Variants in DOK7 observed in about 807,000 individuals in gnomAD.
The protein encoded by DOK7 is docking protein 7.
In DOK7, 32 loss-of-function variants were observed where a neutral mutation model predicts 30.7. That is an observed-to-expected ratio of 1.04 (90% CI 0.79 to 1.40). DOK7 has a LOEUF of 1.40. Among genes scored for constraint, DOK7 ranks in the 40% most tolerant of loss-of-function variants. The pLI, the probability that DOK7 is intolerant of heterozygous loss-of-function variation, is 0.00. For missense variants in DOK7, 1,007 were observed against 699.2 expected, an observed-to-expected ratio of 1.44 and a Z score of -4.97; for synonymous variants, 447 against 324.1, an observed-to-expected ratio of 1.38 and a Z score of -4.07.
At chr4:3,484,970 C>A (rs1727672870) in intron 4 of DOK7, 1 of 806,018 alleles carries the variant, frequency 1.2e-6, no homozygotes. Context: ...GCTCCCTTCT[C>A]CTGTGGCCTT....
At chr4:3,491,208 T>G (rs866810917) in intron 6 of DOK7, among the ~76,000 whole-genome samples, 1 of 51,206 alleles carries the variant, frequency 2.0e-5, no homozygotes, top group Non-Finnish European at 3.5e-5. Flanking sequence ...CCTTCCCCCC[T>G]GCTCATTCCT....
chr4:3,473,686 CG>C, intron 3 of DOK7, 50 bp downstream of exon 3: 2 of 1,487,798 alleles, frequency 1.3e-6, no homozygotes, highest in Non-Finnish European at 9.0e-7. Flanking sequence ...TCAGGTGTGC[CG>C]GGGCCCCTCA....
downstream of DOK7, chr4:3,494,565 C>G (rs181747594): frequency 1.8e-3 from 1,725 of 971,444 alleles, 26 homozygotes; most frequent in African/African-American, 0.029. Context: ...ATGCGAAGTC[C>G]CCGGGCCCGG....
At position 3,493,313 on chromosome 4, in the gene DOK7, C is replaced by A. The variant is rs748946433; in HGVS notation, c.1327C>A (p.Pro443Thr). The A allele has an allele frequency of 2.5e-6, 4 of 1,605,042 alleles. No homozygotes were observed. The highest frequency in any genetic ancestry group is 2.7e-5 in the African/African-American group (2 of 74,762). ...DSGGQTSAGC[P>T]SGWLGTRRRG... ...AGGCGGCCAGACGTCCGCCGGGTGT[C>A]CCTCTGGCTGGCTGGGCACGAGACG... is the stretch of plus-strand genomic sequence containing the variant. Residue 443 changes from proline (P) to threonine (T), a missense_variant, in exon 7 of 7, where the codon CCC (proline) becomes ACC (threonine). Pro to Thr is a conservative substitution (Grantham distance 38, BLOSUM62 -1). Transcript: ENST00000340083.
rs1423789432 is a variant in DOK7 at position 3,493,741 on chromosome 4, C to A, written c.*240C>A. On this transcript the variant is annotated 3_prime_UTR_variant, in exon 7 of 7. Transcript: ENST00000340083. Reference sequence around the variant, plus strand: ...GTCCGGCAGGTCGGGGTCACCAGAGCCCCAATGCTCAGCTGCTTCACTCCG... The same window carrying A: ...GTCCGGCAGGTCGGGGTCACCAGAGACCCAATGCTCAGCTGCTTCACTCCG... 4.2e-6 allele frequency: 6 copies of A among 1,420,156 alleles called. No individual in the cohort carries two copies. The Admixed American group carries it at 1.5e-4, about 35-fold the overall frequency. 88.0% of individuals were successfully genotyped at this position (1,420,156 alleles called of 1,614,324 possible).
chr4:3,480,372 C>T (rs753406942), intron 4 of DOK7, among the ~76,000 whole-genome samples: 62 of 152,232 alleles, frequency 4.1e-4, no homozygotes, highest in Non-Finnish European at 7.4e-4. Flanking sequence ...CTTTGGGAGG[C>T]GGAGGTGGGA....
Position 3,485,541 on chromosome 4 carries a change from G to A in DOK7, c.535G>A (p.Ala179Thr), listed in dbSNP as rs756146556. ...CTGTCTCTGTCCTTCCTCTGCAGGG[G>A]CTGGCGTCTTCTTCCTGTCCTCGGC... ...FEGGTRCGYWAGVFFLSSAEG... is the reference protein window; with the variant it reads ...FEGGTRCGYWTGVFFLSSAEG... Residue 179 changes from alanine to threonine, a missense_variant and splice_region_variant, in exon 5 of 7, where the codon GCT (alanine) becomes ACT (threonine). By Grantham distance (58) the Ala-to-Thr change is moderately conservative. Coordinates refer to ENST00000340083, the MANE Select transcript of DOK7 (RefSeq NM_173660.5). 1.0e-5 allele frequency: 16 copies of A among 1,602,042 alleles called. No individual in the cohort carries two copies. The highest frequency in any genetic ancestry group is 1.4e-5 in the Non-Finnish European group (16 of 1,173,482).
rs1385162705 is a variant in DOK7 at position 3,476,441 on chromosome 4, TC to T, written c.437del (p.Pro146ArgfsTer100). The T allele has an allele frequency of 5.0e-6, 8 of 1,613,124 alleles. No individual in the cohort carries two copies. Among genetic ancestry groups the T allele is most frequent in the Non-Finnish European group, 6.8e-6 (8 of 1,179,920 alleles). Reference protein sequence around the residue: ...CNDVLVLARDIPPAVTGQWKL... With the variant: ...CNDVLVLARDXPPAVTGQWKL... ...GATGTCCTCGTCTTGGCCAGGGACATCCCCCCGGCTGTCACGGGGCAGTGGA... is the reference window on the plus strand; with the variant it reads ...GATGTCCTCGTCTTGGCCAGGGACATCCCCCGGCTGTCACGGGGCAGTGGA... On this transcript the variant is annotated frameshift_variant, in exon 4 of 7. Coordinates refer to ENST00000340083, the MANE Select transcript of DOK7 (RefSeq NM_173660.5). LOFTEE classifies it high-confidence loss of function.
Position 3,473,496 on chromosome 4 carries a change from G to A in DOK7, c.191G>A (p.Gly64Glu). ...AGCCTGACGCTAGAGGACATCTGCGGGCTGGAGCCCGGCCTGCCCTACGAG... is the reference window on the plus strand; with the variant it reads ...AGCCTGACGCTAGAGGACATCTGCGAGCTGGAGCCCGGCCTGCCCTACGAG... ...RSSLTLEDIC[G>E]LEPGLPYEGL... The change falls in exon 3 of 7, where the codon GGG (glycine) becomes GAG (glutamate). Residue 64 changes from glycine to glutamate, a missense_variant. Gly to Glu is a moderately conservative substitution (Grantham distance 98). Transcript: ENST00000340083. The A allele has an allele frequency of 6.2e-7, 1 of 1,611,204 alleles. No homozygotes were observed. Among genetic ancestry groups the A allele is most frequent in the Non-Finnish European group, 8.5e-7 (1 of 1,179,786 alleles).
At position 3,487,105 on chromosome 4, in the gene DOK7, C is replaced by G. The variant is rs191842452; in HGVS notation, c.652+1447C>G. Among the ~76,000 whole-genome samples, 1,208 of 152,292 alleles carry G rather than the reference C, an allele frequency of 7.9e-3. 18 individuals are homozygous for G. The highest frequency in any genetic ancestry group is 0.028 in the African/African-American group (1,164 of 41,552). On this transcript the variant is annotated intron_variant, in intron 5 of 6. Coordinates refer to ENST00000340083, the MANE Select transcript of DOK7 (RefSeq NM_173660.5). ...ACCAGAAGTCCCAGACCCCACTCCA[C>G]AGGACATCTTTGTCAGAGTCAGCTG...
chr4:3,470,369 G>A lies in DOK7; in HGVS notation c.101-3037G>A, dbSNP rs548786763. Among the ~76,000 whole-genome samples, 3 of 152,350 alleles carry A rather than the reference G, an allele frequency of 2.0e-5. No individual in the cohort carries two copies. The East Asian group carries it at 5.8e-4, about 29-fold the overall frequency. On this transcript the variant is annotated intron_variant, in intron 2 of 6. Coordinates refer to ENST00000340083, the MANE Select transcript of DOK7 (RefSeq NM_173660.5). ...CGGGAGTGGACACGTCTTGCTGGGG[G>A]CCACGCTCAGCCCCTGCCTGTAAGT...
At chr4:3,467,254 C>T (rs2109319734) in intron 2 of DOK7, among the ~76,000 whole-genome samples, 1 of 151,690 alleles carries the variant, frequency 6.6e-6, no homozygotes, top group East Asian at 2.0e-4. Flanking sequence ...CCTGCTTGCT[C>T]CATCTTCCCT....
intron 6 of DOK7, among the ~76,000 whole-genome samples, chr4:3,492,474 A>C (rs1469497673): frequency 2.1e-5 from 2 of 96,752 alleles, no homozygotes; most frequent in Non-Finnish European, 4.1e-5. Flanking sequence ...GAAGGGGAGG[A>C]GGCGGGGACC....
intron 2 of DOK7, among the ~76,000 whole-genome samples, chr4:3,469,851 G>A (rs971395676): frequency 2.0e-5 from 3 of 152,198 alleles, no homozygotes; most frequent in East Asian, 1.9e-4. Context: ...CGGCCTGAGC[G>A]TGAGGGGGTG....
At chr4:3,485,511 C>G (rs990704822) in intron 4 of DOK7, 28 bp from the exon 5 acceptor site, 9 of 1,560,522 alleles carry the variant, frequency 5.8e-6, no homozygotes, top group Non-Finnish European at 7.8e-6. Flanking sequence ...TCGGGCCAGA[C>G]TGACCTGTCT....
At chr4:3,469,121 C>T (rs535942737) in intron 2 of DOK7, among the ~76,000 whole-genome samples, 4 of 142,938 alleles carry the variant, frequency 2.8e-5, no homozygotes, top group South Asian at 4.5e-4. Flanking sequence ...TATGTGTGCA[C>T]ACATTGTGTG....
At chr4:3,499,407 G>A, downstream of DOK7, among the ~76,000 whole-genome samples, 1 of 152,206 alleles carries the variant, frequency 6.6e-6, no homozygotes, top group Non-Finnish European at 1.5e-5. Context: ...AGGTCCTGAT[G>A]ACAAGAATGG....
At chr4:3,470,765 C>T (rs575942675) in intron 2 of DOK7, among the ~76,000 whole-genome samples, 78 of 152,320 alleles carry the variant, frequency 5.1e-4, no homozygotes, top group Non-Finnish European at 9.0e-4. Context: ...GTAAAGGAGA[C>T]TTTAAGCTCA....
Position 3,492,868 on chromosome 4 carries a change from G to A in DOK7, c.882G>A (p.Thr294=), listed in dbSNP as rs369425286. ...AGCAATCCTCGTCGTCAGCCAGCAC[G>A]TCACAGGAGGGGCCTAGACCAGCAG... is the stretch of plus-strand genomic sequence containing the variant. The part of the protein sequence containing the change: ...WPEQSSSSAS[T]SQEGPRPAAA... The change falls in exon 7 of 7, where the codon ACG becomes ACA. Residue 294 remains threonine, a synonymous_variant. Transcript: ENST00000340083. 88 of 1,607,386 alleles carry A rather than the reference G, an allele frequency of 5.5e-5. No homozygotes were observed. The highest frequency in any genetic ancestry group is 1.2e-4 in the South Asian group (11 of 90,140).
Sources: gnomAD v4.1 joint callset for allele counts (sites outside exome capture counted in the v4.1 genomes callset) on GRCh38, gnomAD v4.1.1 for gene constraint, MANE v1.5 for transcripts, NCBI Gene and HGNC (gene_info 2026-07-23, HGNC 2026-07-21) for gene names.